Variants in TNRC6A observed in about 807,000 individuals in gnomAD.
TNRC6A encodes trinucleotide repeat containing adaptor 6A.
TNRC6A carries 44 observed loss-of-function variants against 221.2 expected under a neutral mutation model. That is an observed-to-expected ratio of 0.20 (90% CI 0.16 to 0.26). The LOEUF (loss-of-function observed/expected upper bound fraction) is 0.26, where lower values mean the gene tolerates loss of function less well. Among genes scored for constraint, TNRC6A ranks in the 10% least tolerant of loss-of-function variants. The probability of loss-of-function intolerance (pLI) is 1.00; values close to 1 mark genes in which losing one functional copy is unlikely to be tolerated. For missense variants in TNRC6A, 2,199 were observed against 2,404.4 expected (o/e 0.91, Z 1.79); for synonymous variants, 847 against 838.5 (o/e 1.01, Z -0.18).
At chr16:24,774,981 G>A (rs1401481021) in intron 4 of TNRC6A, among the ~76,000 whole-genome samples, 1 of 152,036 alleles carries the variant, frequency 6.6e-6, no homozygotes, top group Non-Finnish European at 1.5e-5. Context: ...TTGTTTGTTT[G>A]CTTAGTATTT....
chr16:24,807,686 G>T (rs1000004791), intron 17 of TNRC6A, among the ~76,000 whole-genome samples: 5 of 147,846 alleles, frequency 3.4e-5, no homozygotes, highest in Admixed American at 6.8e-5. Flanking sequence ...TTATTCACTG[G>T]GTAGAGATTT....
At chr16:24,626,934 G>A (rs1478771657) in intron 1 of TNRC6A, among the ~76,000 whole-genome samples, 2 of 146,332 alleles carry the variant, frequency 1.4e-5, no homozygotes, top group Non-Finnish European at 3.0e-5. Context: ...TTACAGGCGT[G>A]AGCCACCGCG....
At chr16:24,734,276 A>G (rs551779061) in intron 2 of TNRC6A, among the ~76,000 whole-genome samples, 2 of 152,342 alleles carry the variant, frequency 1.3e-5, no homozygotes, top group East Asian at 1.9e-4. Context: ...AGAGGAGTCA[A>G]AAATACATAG....
intron 2 of TNRC6A, among the ~76,000 whole-genome samples, chr16:24,703,284 T>G (rs2056026373): frequency 6.6e-6 from 1 of 152,198 alleles, no homozygotes; most frequent in Admixed American, 6.6e-5. Context: ...TTCATATAAA[T>G]GGAATGACAT....
chr16:24,714,769 A>C (rs764765444), intron 2 of TNRC6A, among the ~76,000 whole-genome samples: 2 of 151,988 alleles, frequency 1.3e-5, no homozygotes, highest in African/African-American at 4.8e-5. Context: ...CTTTTCTTCT[A>C]ATTTTAGCAC....
At chr16:24,618,956 A>G (rs898647424) in intron 1 of TNRC6A, among the ~76,000 whole-genome samples, 1 of 152,140 alleles carries the variant, frequency 6.6e-6, no homozygotes, top group Non-Finnish European at 1.5e-5. Context: ...ACTGAATAGT[A>G]CAGTAGTTCA....
chr16:24,790,533 A>G lies in TNRC6A; in HGVS notation c.1891A>G (p.Asn631Asp). The G allele has an allele frequency of 6.2e-7, 1 of 1,614,246 alleles. No homozygotes were observed. The highest frequency in any genetic ancestry group is 8.5e-7 in the Non-Finnish European group (1 of 1,180,050). Reference sequence around the variant, plus strand: ...CAATCAGCATTCCAATGATAGTGCAAATGGCAATGGTAAGACGTTTACAAA... The same window carrying G: ...CAATCAGCATTCCAATGATAGTGCAGATGGCAATGGTAAGACGTTTACAAA... ...PSNQHSNDSA[N>D]GNGKTFTNGW... is the part of the protein sequence containing the mutation. Residue 631 changes from asparagine (N) to aspartate (D), a missense_variant, in exon 6 of 25, where the codon AAT (asparagine) becomes GAT (aspartate). Around this residue, in one of 8 missense-constraint regions of TNRC6A, gnomAD observed 1,405 missense variants for 1,400.2 expected, o/e 1.00. Transcript: ENST00000395799.
At chr16:24,756,734 T>C (rs1177672840) in intron 3 of TNRC6A, among the ~76,000 whole-genome samples, 1 of 152,170 alleles carries the variant, frequency 6.6e-6, no homozygotes, top group Non-Finnish European at 1.5e-5. Flanking sequence ...CTCAAGCATC[T>C]GCCTGTCTTC....
intron 18 of TNRC6A, among the ~76,000 whole-genome samples, chr16:24,812,783 A>G (rs2058573273): frequency 6.6e-6 from 1 of 151,512 alleles, no homozygotes; most frequent in Non-Finnish European, 1.5e-5. Flanking sequence ...CTGTTAAGTG[A>G]CACGTGAGTG....
At chr16:24,701,046 T>C (rs1190080145) in intron 2 of TNRC6A, among the ~76,000 whole-genome samples, 1 of 152,198 alleles carries the variant, frequency 6.6e-6, no homozygotes, top group African/African-American at 2.4e-5. Context: ...GGGTCAGCCC[T>C]AGCCCGGGAA....
intron 2 of TNRC6A, among the ~76,000 whole-genome samples, chr16:24,673,795 C>G (rs12446931): frequency 1.3e-5 from 2 of 152,092 alleles, no homozygotes. Context: ...TGGGCTCAAG[C>G]GAACTACCCA....
At chr16:24,805,241 A>G (rs951616508) in intron 14 of TNRC6A, 90 bp downstream of exon 14, 79 of 1,515,936 alleles carry the variant, frequency 5.2e-5, no homozygotes, top group Non-Finnish European at 6.3e-5. Flanking sequence ...ACTAAGCATT[A>G]TCATATTTAT....
At chr16:24,767,279 A>G (rs767937815) in intron 4 of TNRC6A, among the ~76,000 whole-genome samples, 28 of 152,230 alleles carry the variant, frequency 1.8e-4, no homozygotes, top group Non-Finnish European at 3.2e-4. Flanking sequence ...ATTAAATCAC[A>G]TTTGTACTAT....
At chr16:24,728,609 C>A (rs2056533616), upstream of TNRC6A, among the ~76,000 whole-genome samples, 1 of 152,034 alleles carries the variant, frequency 6.6e-6, no homozygotes, top group Non-Finnish European at 1.5e-5. Context: ...GAAGAAAAAG[C>A]TTGATGAGAG....
In TNRC6A at chr16:24,790,722, G is replaced by T. The variant is rs780214046; in HGVS notation, c.2080G>T (p.Asp694Tyr). Residue 694 changes from aspartate to tyrosine, a missense_variant, in exon 6 of 25, where the codon GAC becomes TAC. Coordinates refer to ENST00000395799, the MANE Select transcript of TNRC6A (RefSeq NM_014494.4). ...AGGAACTGGGGAAAGTCAGAGTAGA[G>T]ACAGAAGAAAAATTGATCAGCACAC... ...EKGTGESQSRDRRKIDQHTLL... is the reference protein window; with the variant it reads ...EKGTGESQSRYRRKIDQHTLL... 3.1e-6 allele frequency: 5 copies of T among 1,614,132 alleles called. No individual in the cohort carries two copies. The highest frequency in any genetic ancestry group is 4.2e-6 in the Non-Finnish European group (5 of 1,180,026).
chr16:24,656,105 G>A (rs1318166954), intron 2 of TNRC6A, among the ~76,000 whole-genome samples: 1 of 147,640 alleles, frequency 6.8e-6, no homozygotes, highest in African/African-American at 2.5e-5. Flanking sequence ...CACTACCACT[G>A]CACTCTAGCC....
intron 4 of TNRC6A, among the ~76,000 whole-genome samples, chr16:24,765,311 A>G (rs931650949): frequency 2.6e-5 from 4 of 152,232 alleles, no homozygotes; most frequent in African/African-American, 9.6e-5. Flanking sequence ...ATACACAGAG[A>G]AAATGATACT....
chr16:24,822,924 C>G lies in TNRC6A; in HGVS notation c.5424C>G (p.Ile1808Met), dbSNP rs1057349675. Residue 1808 changes from isoleucine to methionine, a missense_variant, in exon 24 of 25, where the codon ATC becomes ATG. By Grantham distance (10) the Ile-to-Met change is conservative (BLOSUM62 1). Coordinates refer to ENST00000395799, the MANE Select transcript of TNRC6A (RefSeq NM_014494.4). The part of the protein sequence containing the change: ...RTLCMQHGPL[I>M]TFHLNLPHGN... ...TGTGCATGCAGCACGGCCCGCTGAT[C>G]ACATTCCACCTGAACCTCCCTCACG... 3.7e-6 allele frequency: 6 copies of G among 1,614,222 alleles called. No homozygotes were observed. Among genetic ancestry groups the G allele is most frequent in the Non-Finnish European group, 2.5e-6 (3 of 1,180,044 alleles).
intron 1 of TNRC6A, among the ~76,000 whole-genome samples, chr16:24,623,719 C>T (rs768261942): frequency 6.6e-6 from 1 of 150,976 alleles, no homozygotes; most frequent in Non-Finnish European, 1.5e-5. Context: ...AGTGAGACCT[C>T]GTCTCTAAAA....
Sources: gnomAD v4.1 joint callset for allele counts (sites outside exome capture counted in the v4.1 genomes callset) on GRCh38, gnomAD v4.1.1 for gene constraint, gnomAD v4.1.1 regional missense constraint, MANE v1.5 for transcripts, NCBI Gene and HGNC (gene_info 2026-07-23, HGNC 2026-07-21) for gene names.